ESRRG: variants seen among roughly 807,000 people sequenced by gnomAD.
ESRRG encodes estrogen-related receptor gamma.
A neutral mutation model predicts 44.0 loss-of-function variants in ESRRG; 13 were observed. The ratio of observed to expected loss-of-function variants is 0.30; its 90% CI spans 0.19 to 0.47. The LOEUF is 0.47. Among genes scored for constraint, ESRRG ranks in the 20% least tolerant of loss-of-function variants. The pLI is 1.00. For synonymous variants in ESRRG, 215 were observed against 214.6 expected (o/e 1.00, Z -0.02); for missense variants, 395 against 580.6 (o/e 0.68, Z 3.29).
intron 2 of ESRRG, among the ~76,000 whole-genome samples, chr1:216,750,770 A>ATTTT (rs772336936): frequency 0.036 from 5,496 of 151,882 alleles, 141 homozygotes; most frequent in Middle Eastern, 0.051. Flanking sequence ...CTTTTTTTAA[A>ATTTT]AAAAAACTCA....
intron 5 of ESRRG, among the ~76,000 whole-genome samples, chr1:216,555,058 C>A (rs935407728): frequency 2.0e-5 from 3 of 152,124 alleles, no homozygotes; most frequent in Admixed American, 2.0e-4. Flanking sequence ...ACACCAGCAC[C>A]ATTGCCTTTC....
chr1:216,507,336 C>T (rs113846446), intron 6 of ESRRG, among the ~76,000 whole-genome samples, 153 bp from the exon 7 acceptor site: 17 of 152,264 alleles, frequency 1.1e-4, no homozygotes, highest in African/African-American at 4.1e-4. Flanking sequence ...TCTACAATCT[C>T]TATTTCTTTC....
At chr1:216,873,271 G>T (rs2096285668) in intron 2 of ESRRG, among the ~76,000 whole-genome samples, 1 of 131,814 alleles carries the variant, frequency 7.6e-6, no homozygotes, top group South Asian at 2.4e-4. Context: ...AAATGCAATG[G>T]CATGATCTTG....
intron 6 of ESRRG, among the ~76,000 whole-genome samples, chr1:216,516,636 TACACACACACACAC>T: frequency 7.7e-6 from 1 of 130,374 alleles, no homozygotes; most frequent in East Asian, 2.4e-4. Context: ...CACACACACA[TACACACACACACAC>T]ACACACACAC....
chr1:216,909,758 G>T (rs565765497), intron 2 of ESRRG, among the ~76,000 whole-genome samples: 2 of 152,150 alleles, frequency 1.3e-5, no homozygotes, highest in Non-Finnish European at 2.9e-5. Context: ...TATTAGGCAC[G>T]TAGTAAATGT....
chr1:216,712,869 G>C (rs1186668250), intron 1 of ESRRG, among the ~76,000 whole-genome samples: 1 of 152,124 alleles, frequency 6.6e-6, no homozygotes, highest in Non-Finnish European at 1.5e-5. Flanking sequence ...TTAAACTGAT[G>C]ACCTTTCTTC....
At chr1:216,868,797 A>G (rs912214306) in intron 2 of ESRRG, among the ~76,000 whole-genome samples, 4 of 152,206 alleles carry the variant, frequency 2.6e-5, no homozygotes, top group Non-Finnish European at 1.5e-5. Flanking sequence ...ATATTTTAAT[A>G]TGCATTTTCC....
intron 2 of ESRRG, among the ~76,000 whole-genome samples, chr1:216,655,499 T>C (rs1353724520): frequency 1.3e-5 from 2 of 152,110 alleles, no homozygotes; most frequent in Admixed American, 6.6e-5. Flanking sequence ...AAAGGACTCT[T>C]CCCAGAGCGA....
At chr1:216,916,979 G>C (rs913124439) in intron 2 of ESRRG, among the ~76,000 whole-genome samples, 1 of 147,076 alleles carries the variant, frequency 6.8e-6, no homozygotes, top group Admixed American at 7.0e-5. Flanking sequence ...CAGTGGCACC[G>C]TTCCGTTCAT....
chr1:216,622,201 G>A (rs962369425), intron 3 of ESRRG, among the ~76,000 whole-genome samples: 2 of 152,116 alleles, frequency 1.3e-5, no homozygotes, highest in African/African-American at 4.8e-5. Context: ...ATCCTTCTGA[G>A]GCTTCATTTG....
intron 2 of ESRRG, among the ~76,000 whole-genome samples, chr1:216,909,990 A>T (rs1578011668): frequency 1.3e-5 from 2 of 152,176 alleles, no homozygotes; most frequent in Non-Finnish European, 2.9e-5. Flanking sequence ...TAACTCCCTG[A>T]TTTTTAAAAC....
chr1:216,620,349 C>G (rs1558855123), intron 3 of ESRRG, among the ~76,000 whole-genome samples: 1 of 152,176 alleles, frequency 6.6e-6, no homozygotes, highest in Non-Finnish European at 1.5e-5. Flanking sequence ...TCAGTATTAT[C>G]TAATATATTT....
intron 2 of ESRRG, among the ~76,000 whole-genome samples, chr1:216,880,704 T>C (rs1215936111): frequency 5.3e-5 from 8 of 152,210 alleles, no homozygotes; most frequent in East Asian, 1.9e-4. Flanking sequence ...ATTGGATATA[T>C]TGATTTATAA....
At position 216,824,313 on chromosome 1, in the gene ESRRG, G is replaced by T. The variant is rs183616656; in HGVS notation, c.-14+115269C>A. On this transcript the variant is annotated intron_variant, in intron 2 of 7. Transcript: ENST00000359162. ...ATACAGACATTAGCCGGGCATGGTG[G>T]TGGGTGCCTGTAATCTCAGCTACTC... 4.1e-3 allele frequency among the ~76,000 whole-genome samples: 618 copies of T among 152,218 alleles called. 4 individuals are homozygous for T. The highest frequency in any genetic ancestry group is 0.014 in the African/African-American group (582 of 41,532).
At chr1:216,936,588 T>C (rs1031281626) in intron 2 of ESRRG, 2 of 151,844 alleles carry the variant, frequency 1.3e-5, no homozygotes. Context: ...AATTTTAAAC[T>C]CCAAGCATGA....
At chr1:216,880,179 C>T (rs1003171888) in intron 2 of ESRRG, among the ~76,000 whole-genome samples, 32 of 150,932 alleles carry the variant, frequency 2.1e-4, no homozygotes, top group South Asian at 4.2e-4. Flanking sequence ...TGGTGGTGGG[C>T]GCCTGTAATC....
intron 1 of ESRRG, among the ~76,000 whole-genome samples, chr1:217,025,739 C>T (rs987898964): frequency 6.6e-6 from 1 of 152,054 alleles, no homozygotes; most frequent in Admixed American, 6.5e-5. Flanking sequence ...AGTCAAATGT[C>T]CTGAAAACTA....
chr1:216,820,148 T>C (rs1314310244), intron 2 of ESRRG, among the ~76,000 whole-genome samples: 4 of 152,224 alleles, frequency 2.6e-5, no homozygotes, highest in Non-Finnish European at 2.9e-5. Context: ...GAAGTTCTCA[T>C]ATTCCAGACT....
At chr1:216,732,990 G>T (rs920842725) in intron 2 of ESRRG, among the ~76,000 whole-genome samples, 5 of 151,428 alleles carry the variant, frequency 3.3e-5, no homozygotes, top group South Asian at 2.1e-4. Flanking sequence ...AAAATTCTAG[G>T]ATATCTGAGC....
Sources: gnomAD v4.1 joint callset for allele counts (sites outside exome capture counted in the v4.1 genomes callset) on GRCh38, gnomAD v4.1.1 for gene constraint, MANE v1.5 for transcripts, NCBI Gene and HGNC (gene_info 2026-07-23, HGNC 2026-07-21) for gene names.